Variants in GRM1 observed in about 807,000 individuals in gnomAD.
GRM1 encodes glutamate metabotropic receptor 1.
GRM1 carries 33 observed loss-of-function variants against 90.9 expected under a neutral mutation model. That is an observed-to-expected ratio of 0.36 (90% CI 0.28 to 0.49). The LOEUF is 0.49. Among genes scored for constraint, GRM1 ranks in the 20% least tolerant of loss-of-function variants. GRM1 has a pLI of 0.99. For synonymous variants in GRM1, 700 were observed against 613.2 expected (o/e 1.14, Z -2.09); for missense variants, 1,190 against 1,534.3 (o/e 0.78, Z 3.75).
chr6:146,303,679 G>A (rs1242934250), intron 2 of GRM1, among the ~76,000 whole-genome samples: 1 of 152,102 alleles, frequency 6.6e-6, no homozygotes, highest in Non-Finnish European at 1.5e-5. Flanking sequence ...CCGACCTCGT[G>A]CCAGTGGCCC....
chr6:146,192,924 G>T (rs1778979199), intron 2 of GRM1, among the ~76,000 whole-genome samples: 1 of 152,106 alleles, frequency 6.6e-6, no homozygotes, highest in Non-Finnish European at 1.5e-5. Flanking sequence ...TGATTGTGAG[G>T]AAGATGACCG....
chr6:146,425,343 A>T (rs1230483896), intron 7 of GRM1, among the ~76,000 whole-genome samples: 1 of 152,228 alleles, frequency 6.6e-6, no homozygotes, highest in Non-Finnish European at 1.5e-5. Context: ...AGCACCTGTC[A>T]GGCCTCAGCC....
At chr6:146,364,776 ATTTTTT>A (rs11389715) in intron 5 of GRM1, among the ~76,000 whole-genome samples, 1 of 141,822 alleles carries the variant, frequency 7.1e-6, no homozygotes, top group East Asian at 2.0e-4. Flanking sequence ...CTCTTCTTCT[ATTTTTT>A]TTTTTTTTGG....
intron 3 of GRM1, among the ~76,000 whole-genome samples, chr6:146,333,219 G>A (rs1272627694): frequency 6.6e-6 from 1 of 152,126 alleles, no homozygotes. Context: ...TGAGGCTCAG[G>A]CTGGCTGATA....
At chr6:146,372,216 T>C (rs1239011364) in intron 5 of GRM1, among the ~76,000 whole-genome samples, 1 of 152,216 alleles carries the variant, frequency 6.6e-6, no homozygotes, top group African/African-American at 2.4e-5. Context: ...TGATCAATGA[T>C]GTTGAGCACT....
At chr6:146,231,967 T>C (rs1780465227) in intron 2 of GRM1, among the ~76,000 whole-genome samples, 1 of 152,082 alleles carries the variant, frequency 6.6e-6, no homozygotes, top group Non-Finnish European at 1.5e-5. Context: ...CACTACATTC[T>C]GGGAAAGTTA....
At chr6:146,040,204 T>G (rs1418924661) in intron 1 of GRM1, among the ~76,000 whole-genome samples, 2 of 151,956 alleles carry the variant, frequency 1.3e-5, no homozygotes, top group Non-Finnish European at 2.9e-5. Context: ...AGGAGACAGT[T>G]TTGATAATAG....
At chr6:146,039,508 T>A (rs1791018968) in intron 1 of GRM1, among the ~76,000 whole-genome samples, 1 of 151,890 alleles carries the variant, frequency 6.6e-6, no homozygotes, top group South Asian at 2.1e-4. Context: ...GGAAACATGG[T>A]GAGCCAGTGA....
chr6:146,408,246 G>T (rs1323482686), intron 7 of GRM1, among the ~76,000 whole-genome samples: 1 of 152,050 alleles, frequency 6.6e-6, no homozygotes, highest in African/African-American at 2.4e-5. Flanking sequence ...ATCTTCCAAA[G>T]GCCCTACCTC....
chr6:146,081,574 C>T (rs900647099), intron 1 of GRM1, among the ~76,000 whole-genome samples: 1 of 152,108 alleles, frequency 6.6e-6, no homozygotes, highest in Non-Finnish European at 1.5e-5. Context: ...CTTGGAGCAG[C>T]CCGTAGTTTG....
intron 7 of GRM1, among the ~76,000 whole-genome samples, chr6:146,419,562 A>G (rs1376107632): frequency 6.6e-6 from 1 of 152,190 alleles, no homozygotes; most frequent in Non-Finnish European, 1.5e-5. Context: ...GCTATATGGA[A>G]CTACCTGAGA....
At chr6:146,201,526 A>G (rs1223451009) in intron 2 of GRM1, among the ~76,000 whole-genome samples, 1 of 152,200 alleles carries the variant, frequency 6.6e-6, no homozygotes, top group Non-Finnish European at 1.5e-5. Flanking sequence ...CACATAGCAG[A>G]GACAGAGATC....
chr6:146,278,576 G>A (rs541630562), intron 2 of GRM1, among the ~76,000 whole-genome samples: 31 of 152,260 alleles, frequency 2.0e-4, no homozygotes, highest in African/African-American at 7.0e-4. Flanking sequence ...AGGATTTCAA[G>A]GCCAGCCTGG....
At chr6:146,318,774 A>T (rs1784067936) in intron 3 of GRM1, among the ~76,000 whole-genome samples, 1 of 151,846 alleles carries the variant, frequency 6.6e-6, no homozygotes, top group Admixed American at 6.6e-5. Context: ...GCTTTTTTTC[A>T]TGTTTGTTGG....
At chr6:146,270,526 C>A (rs897176377) in intron 2 of GRM1, among the ~76,000 whole-genome samples, 1 of 152,136 alleles carries the variant, frequency 6.6e-6, no homozygotes, top group East Asian at 1.9e-4. Flanking sequence ...AAATCAATCA[C>A]CAAAGGATGA....
intron 1 of GRM1, among the ~76,000 whole-genome samples, chr6:146,153,799 GC>G (rs1777427035): frequency 6.6e-6 from 1 of 152,122 alleles, no homozygotes; most frequent in Admixed American, 6.6e-5. Flanking sequence ...AAGTTGAACA[GC>G]AACAACAAAA....
intron 2 of GRM1, among the ~76,000 whole-genome samples, chr6:146,242,834 T>C (rs995169888): frequency 1.2e-4 from 18 of 152,124 alleles, no homozygotes; most frequent in Admixed American, 2.0e-4. Context: ...ACACCAGACA[T>C]GAGAGACTTT....
At chr6:146,170,130 A>G (rs1778056183) in intron 2 of GRM1, among the ~76,000 whole-genome samples, 1 of 151,754 alleles carries the variant, frequency 6.6e-6, no homozygotes, top group Non-Finnish European at 1.5e-5. Flanking sequence ...TTCATAAGGG[A>G]TTACTTCTGT....
At chr6:146,291,633 A>C (rs1340782155) in intron 2 of GRM1, among the ~76,000 whole-genome samples, 1 of 152,002 alleles carries the variant, frequency 6.6e-6, no homozygotes. Flanking sequence ...TTGCTAAAAA[A>C]ATTAAATAAG....
Sources: gnomAD v4.1 joint callset for allele counts (sites outside exome capture counted in the v4.1 genomes callset) on GRCh38, gnomAD v4.1.1 for gene constraint, MANE v1.5 for transcripts, NCBI Gene and HGNC (gene_info 2026-07-23, HGNC 2026-07-21) for gene names.